OTOGL: variants seen among roughly 807,000 people sequenced by gnomAD.
The protein encoded by OTOGL is otogelin-like protein.
In OTOGL, 285 loss-of-function variants were observed where a neutral mutation model predicts 318.5. The observed-to-expected ratio is 0.89, with a 90% confidence interval of 0.81 to 0.99. OTOGL has a LOEUF of 0.99. Ranked by LOEUF, OTOGL falls within the 50% of genes least tolerant of loss-of-function variation. The probability of loss-of-function intolerance (pLI) is 0.00; values close to 1 mark genes in which losing one functional copy is unlikely to be tolerated. For synonymous variants in OTOGL, 987 were observed against 936.5 expected (o/e 1.05, Z -0.99); for missense variants, 2,899 against 2,845.6 (o/e 1.02, Z -0.43).
intron 1 of OTOGL, among the ~76,000 whole-genome samples, chr12:80,187,744 A>G (rs1592529136): frequency 6.6e-6 from 1 of 152,344 alleles, no homozygotes; most frequent in African/African-American, 2.4e-5. Context: ...ACTGAAACTC[A>G]GTGGGTGACA....
intron 11 of OTOGL, among the ~76,000 whole-genome samples, chr12:80,246,259 T>G (rs1880873685): frequency 6.7e-6 from 1 of 149,314 alleles, no homozygotes. Flanking sequence ...AAGGGAATGC[T>G]TCCAGTTCTT....
At chr12:80,370,147 A>C (rs1396811895) in intron 55 of OTOGL, among the ~76,000 whole-genome samples, 1 of 152,026 alleles carries the variant, frequency 6.6e-6, no homozygotes, top group Non-Finnish European at 1.5e-5. Context: ...AACACGTCTC[A>C]AGGAAGGAGG....
chr12:80,238,660 C>T (rs1232533255), intron 9 of OTOGL, among the ~76,000 whole-genome samples, 191 bp from the exon 10 acceptor site: 1 of 152,054 alleles, frequency 6.6e-6, no homozygotes, highest in Non-Finnish European at 1.5e-5. Flanking sequence ...TTATTTGGTA[C>T]CCACATTTTG....
intron 44 of OTOGL, among the ~76,000 whole-genome samples, chr12:80,345,035 AAC>A (rs1452040849): frequency 3.6e-4 from 30 of 82,448 alleles, no homozygotes; most frequent in East Asian, 1.0e-3. Context: ...TATATATTAT[AAC>A]ATATATTATT....
intron 1 of OTOGL, among the ~76,000 whole-genome samples, chr12:80,124,518 T>C (rs572936474): frequency 8.5e-4 from 130 of 152,262 alleles, no homozygotes; most frequent in African/African-American, 3.0e-3. Context: ...CTTGGTGATG[T>C]GGGCTCTTTT....
chr12:80,224,782 T>C (rs189467897), intron 7 of OTOGL, among the ~76,000 whole-genome samples: 69 of 151,972 alleles, frequency 4.5e-4, no homozygotes, highest in African/African-American at 1.5e-3. Flanking sequence ...CTGAAACTTT[T>C]AGACCCTGAA....
Position 80,231,684 on chromosome 12 carries a change from G to T in OTOGL, c.612-1208G>T, listed in dbSNP as rs1393470220. ...GAGTCTCACTCTGTTGCCCAGTCTG[G>T]AGTGCAGCGACATGATTTCAGCTCA... is the stretch of plus-strand genomic sequence containing the variant. On this transcript the variant is annotated intron_variant, in intron 8 of 58. Transcript: ENST00000547103. Among the ~76,000 whole-genome samples the T allele has an allele frequency of 4.0e-5, 6 of 151,570 alleles. No homozygotes were observed. The South Asian group carries it at 6.3e-4, about 16-fold the overall frequency.
intron 57 of OTOGL, among the ~76,000 whole-genome samples, chr12:80,375,258 A>G (rs12299163): frequency 0.022 from 3,387 of 152,256 alleles, 138 homozygotes; most frequent in African/African-American, 0.078. Flanking sequence ...TGAATTAGAA[A>G]TGACTCTTGG....
intron 29 of OTOGL, among the ~76,000 whole-genome samples, chr12:80,308,117 C>A (rs111701486): frequency 6.7e-6 from 1 of 148,464 alleles, no homozygotes; most frequent in African/African-American, 2.5e-5. Flanking sequence ...ACCTCCCTCC[C>A]GGACGGGGCG....
Position 80,364,832 on chromosome 12 carries a change from G to A in OTOGL, c.6268-1742G>A, listed in dbSNP as rs555998967. 3.1e-3 allele frequency among the ~76,000 whole-genome samples: 469 copies of A among 151,968 alleles called. 2 individuals carry two copies. Among genetic ancestry groups the A allele is most frequent in the Middle Eastern group, 0.02 (6 of 294 alleles). On this transcript the variant is annotated intron_variant, in intron 52 of 58. Transcript: ENST00000547103. ...TGTCAACATTTGGATATTTATCTTG[G>A]ACATTTATCCAAGATGACCAACAGC...
At chr12:80,360,897 A>G (rs977712560) in intron 52 of OTOGL, among the ~76,000 whole-genome samples, 2 of 152,026 alleles carry the variant, frequency 1.3e-5, no homozygotes, top group African/African-American at 4.8e-5. Context: ...TATTATGTAC[A>G]TGTTAATTCA....
chr12:80,353,111 A>C (rs2138005573), intron 45 of OTOGL, among the ~76,000 whole-genome samples: 1 of 152,332 alleles, frequency 6.6e-6, no homozygotes, highest in African/African-American at 2.4e-5. Flanking sequence ...GCAGACCCTT[A>C]GAAAATGTTT....
At chr12:80,311,877 C>T (rs183124553) in intron 30 of OTOGL, among the ~76,000 whole-genome samples, 2 of 152,112 alleles carry the variant, frequency 1.3e-5, no homozygotes, top group Admixed American at 6.5e-5. Context: ...TTTTGTTGAT[C>T]TAGATGGTGA....
At chr12:80,228,114 A>G (rs1438551352) in intron 7 of OTOGL, among the ~76,000 whole-genome samples, 2 of 152,146 alleles carry the variant, frequency 1.3e-5, no homozygotes, top group African/African-American at 2.4e-5. Flanking sequence ...TAAGCATAAA[A>G]CTAATATACA....
intron 1 of OTOGL, among the ~76,000 whole-genome samples, chr12:80,111,912 T>C (rs557938738): frequency 2.0e-5 from 3 of 152,196 alleles, no homozygotes; most frequent in Non-Finnish European, 4.4e-5. Flanking sequence ...TTGTGTCCTC[T>C]CTTATTTCCT....
intron 1 of OTOGL, among the ~76,000 whole-genome samples, chr12:80,105,978 A>G (rs1399267414): frequency 6.6e-6 from 1 of 152,186 alleles, no homozygotes; most frequent in Admixed American, 6.5e-5. Flanking sequence ...TATTTTTTGG[A>G]TCTGTTCAGA....
rs1883058758 is a variant in OTOGL at position 80,267,307 on chromosome 12, C to T, written c.2445C>T (p.Ile815=). 6.4e-7 allele frequency: 1 copy of T among 1,550,658 alleles called. No individual in the cohort carries two copies. The highest frequency in any genetic ancestry group is 8.8e-7 in the Non-Finnish European group (1 of 1,132,422). The change falls in exon 22 of 59, where the codon ATC becomes ATT. Residue 815 remains isoleucine (I), a synonymous_variant. Transcript: ENST00000547103. The part of the protein sequence containing the change: ...RGSVYQPGEL[I]PTPSGLCQCS... ...GTGTTTATCAACCTGGAGAGCTCAT[C>T]CCCACACCCTCGGGCTTATGGTAGG...
At chr12:80,199,993 A>G (rs937326325) in intron 1 of OTOGL, among the ~76,000 whole-genome samples, 6 of 152,224 alleles carry the variant, frequency 3.9e-5, no homozygotes, top group South Asian at 2.1e-4. Flanking sequence ...CCATGTTCCA[A>G]TCCTTCCCAC....
intron 1 of OTOGL, among the ~76,000 whole-genome samples, chr12:80,155,263 G>A (rs1039850068): frequency 2.0e-5 from 3 of 152,168 alleles, no homozygotes; most frequent in Non-Finnish European, 2.9e-5. Flanking sequence ...CTTTCACAGA[G>A]TAGAAGTTTT....
Sources: gnomAD v4.1 joint callset for allele counts (sites outside exome capture counted in the v4.1 genomes callset) on GRCh38, gnomAD v4.1.1 for gene constraint, MANE v1.5 for transcripts, NCBI Gene and HGNC (gene_info 2026-07-23, HGNC 2026-07-21) for gene names.